The following MID1 variants were observed in gnomAD, a reference collection of about 807,000 sequenced individuals.
The protein encoded by MID1 is midline 1.
A neutral mutation model predicts 40.4 loss-of-function variants in MID1; 7 were observed. The ratio of observed to expected loss-of-function variants is 0.17; its 90% CI spans 0.10 to 0.33. The LOEUF (loss-of-function observed/expected upper bound fraction) is 0.33. MID1 is among the 10% of genes least tolerant of loss of function. The pLI is 1.00. For missense variants in MID1, 367 were observed against 558.5 expected (o/e 0.66, Z 3.46); for synonymous variants, 229 against 221.2 (o/e 1.04, Z -0.31).
At chrX:10,745,586 C>T (rs73482906) in intron 1 of MID1, among the ~76,000 whole-genome samples, 7 of 112,192 alleles carry the variant, frequency 6.2e-5, no homozygotes, top group Middle Eastern at 4.6e-3. Flanking sequence ...AAAAGAGAAG[C>T]GCTCAACAGA....
At chrX:10,479,127 C>A (rs191630288) in intron 5 of MID1, among the ~76,000 whole-genome samples, 23 of 112,273 alleles carry the variant, frequency 2.0e-4, no homozygotes, top group African/African-American at 7.4e-4. Context: ...TTCTTAGGAA[C>A]TTAAAGCAAT....
chrX:10,697,211 C>T (rs1212863321), intron 1 of MID1, among the ~76,000 whole-genome samples: 1 of 111,386 alleles, frequency 9.0e-6, no homozygotes, highest in East Asian at 2.8e-4. Context: ...AAAGGATTCG[C>T]AGGGCTACTC....
chrX:10,551,395 C>T (rs1412217035), intron 2 of MID1, among the ~76,000 whole-genome samples: 1 of 112,238 alleles, frequency 8.9e-6, no homozygotes, highest in Non-Finnish European at 1.9e-5. Flanking sequence ...CAAATGGTCT[C>T]TTTATAAGAC....
intron 1 of MID1, among the ~76,000 whole-genome samples, chrX:10,585,876 TTA>T (rs1294653380): frequency 8.9e-6 from 1 of 112,106 alleles, no homozygotes; most frequent in African/African-American, 3.2e-5. Flanking sequence ...TTTTAACCTA[TTA>T]TTATTAATGA....
At chrX:10,590,412 T>C (rs1234508087) in intron 1 of MID1, among the ~76,000 whole-genome samples, 1 of 111,470 alleles carries the variant, frequency 9.0e-6, no homozygotes, top group Non-Finnish European at 1.9e-5. Context: ...GTCTGGGTGG[T>C]GGGTGCCCTG....
At chrX:10,481,446 T>C (rs1930316987) in intron 5 of MID1, among the ~76,000 whole-genome samples, 3 of 111,867 alleles carry the variant, frequency 2.7e-5, no homozygotes, top group Admixed American at 1.9e-4. Flanking sequence ...TTTCATTTAT[T>C]TATTTTTTTT....
intron 1 of MID1, among the ~76,000 whole-genome samples, chrX:10,643,664 C>T (rs1483925933): frequency 9.0e-6 from 1 of 111,005 alleles, no homozygotes; most frequent in Non-Finnish European, 1.9e-5. Flanking sequence ...GGTATATACC[C>T]AAAGGACTAT....
At chrX:10,591,512 T>C (rs1434252397) in intron 1 of MID1, among the ~76,000 whole-genome samples, 3 of 111,883 alleles carry the variant, frequency 2.7e-5, no homozygotes, top group African/African-American at 6.5e-5. Context: ...GACTGGGAAA[T>C]TGCACACTCC....
At chrX:10,645,906 G>A (rs183864232) in intron 1 of MID1, among the ~76,000 whole-genome samples, 28 of 111,899 alleles carry the variant, frequency 2.5e-4, no homozygotes, top group African/African-American at 8.4e-4. Flanking sequence ...CACCCAAGAT[G>A]GATGGGCCAC....
At chrX:10,698,998 T>C (rs1247123020) in intron 1 of MID1, among the ~76,000 whole-genome samples, 1 of 112,029 alleles carries the variant, frequency 8.9e-6, no homozygotes, top group Non-Finnish European at 1.9e-5. Context: ...CCAAACCCTT[T>C]CCTTTCACTT....
intron 1 of MID1, among the ~76,000 whole-genome samples, chrX:10,661,140 T>G (rs780443348): frequency 9.0e-6 from 1 of 111,396 alleles, no homozygotes; most frequent in South Asian, 3.8e-4. Flanking sequence ...TAGTCCAATT[T>G]CTAAGGGAAA....
At chrX:10,544,617 A>G (rs1933610654) in intron 2 of MID1, among the ~76,000 whole-genome samples, 1 of 112,524 alleles carries the variant, frequency 8.9e-6, no homozygotes, top group African/African-American at 3.2e-5. Flanking sequence ...GCTCTGAGTC[A>G]TTGACCTAAT....
At chrX:10,793,833 C>G (rs758530648) in intron 1 of MID1, among the ~76,000 whole-genome samples, 1 of 112,292 alleles carries the variant, frequency 8.9e-6, no homozygotes, top group South Asian at 3.7e-4. Flanking sequence ...AGAGACTGTC[C>G]TTGTCTACTG....
At chrX:10,475,703 C>T (rs1009771112) in intron 5 of MID1, among the ~76,000 whole-genome samples, 23 of 112,014 alleles carry the variant, frequency 2.1e-4, no homozygotes, top group Admixed American at 4.8e-4. Flanking sequence ...CTATTATATG[C>T]GGAGTATTGC....
At chrX:10,553,570 A>C (rs1407949774) in intron 2 of MID1, among the ~76,000 whole-genome samples, 1 of 112,027 alleles carries the variant, frequency 8.9e-6, no homozygotes, top group East Asian at 2.8e-4. Flanking sequence ...CAAGACTATA[A>C]ATTTACATTT....
chrX:10,560,644 C>T (rs1242557397), intron 2 of MID1, among the ~76,000 whole-genome samples: 2 of 110,505 alleles, frequency 1.8e-5, no homozygotes, highest in African/African-American at 6.6e-5. Context: ...GAATAAAATA[C>T]CTAGGAATAC....
intron 1 of MID1, among the ~76,000 whole-genome samples, chrX:10,721,340 C>A (rs760089227): frequency 9.0e-6 from 1 of 110,718 alleles, no homozygotes; most frequent in Non-Finnish European, 1.9e-5. Context: ...GGTCAACTTT[C>A]TCTAGTGTGA....
intron 1 of MID1, among the ~76,000 whole-genome samples, chrX:10,752,605 G>C (rs1286882632): frequency 9.0e-6 from 1 of 111,432 alleles, no homozygotes; most frequent in Non-Finnish European, 1.9e-5. Flanking sequence ...GCCCATGGAA[G>C]CCAACTGCCT....
chrX:10,489,171 C>T (rs186092893), intron 4 of MID1, among the ~76,000 whole-genome samples: 237 of 111,533 alleles, frequency 2.1e-3, no homozygotes, highest in Admixed American at 4.4e-3. Context: ...TAAATATTTT[C>T]GCCTAGTTTG....
Sources: gnomAD v4.1 joint callset for allele counts (sites outside exome capture counted in the v4.1 genomes callset) on GRCh38, gnomAD v4.1.1 for gene constraint, MANE v1.5 for transcripts, NCBI Gene and HGNC (gene_info 2026-07-23, HGNC 2026-07-21) for gene names.